Variants in SLC24A3 observed in about 807,000 individuals in gnomAD.
The protein encoded by SLC24A3 is solute carrier family 24 member 3.
In SLC24A3, 28 loss-of-function variants were observed where a neutral mutation model predicts 75.8. That is an observed-to-expected ratio of 0.37 (90% CI 0.27 to 0.51). SLC24A3 has a LOEUF of 0.51. SLC24A3 is among the 20% of genes least tolerant of loss of function. The pLI, the probability that SLC24A3 is intolerant of heterozygous loss-of-function variation, is 0.94. For missense variants in SLC24A3, 663 were observed against 847.8 expected, an observed-to-expected ratio of 0.78 and a Z score of 2.71; for synonymous variants, 372 against 334.1, an observed-to-expected ratio of 1.11 and a Z score of -1.24.
At chr20:19,255,417 G>A (rs1484243446) in intron 1 of SLC24A3, among the ~76,000 whole-genome samples, 1 of 152,228 alleles carries the variant, frequency 6.6e-6, no homozygotes, top group Non-Finnish European at 1.5e-5. Context: ...ATTAAGATTT[G>A]GAGTGTCGTT....
rs776077387 is a variant in SLC24A3, at chr20:19,693,351, G to A, written c.1417G>A (p.Glu473Lys). ...ACCCAACTGCAACAAGCCGCGCTGG[G>A]AGAAATGGTTCATGGTGACGTTTGC... ...TVPNCNKPRW[E>K]KWFMVTFASS... The change falls in exon 13 of 17, where the codon GAG becomes AAG. Residue 473 changes from glutamate (E) to lysine (K), a missense_variant. This residue lies in a region of SLC24A3 where 510 missense variants were observed against 703.6 expected (regional missense o/e 0.72). Transcript: ENST00000328041. The A allele has an allele frequency of 1.2e-6, 2 of 1,614,174 alleles. No homozygotes were observed. The highest frequency in any genetic ancestry group is 1.3e-5 in the African/African-American group (1 of 75,046).
chr20:19,426,022 C>G (rs1044568042), intron 2 of SLC24A3, among the ~76,000 whole-genome samples: 4 of 152,128 alleles, frequency 2.6e-5, no homozygotes, highest in Admixed American at 2.6e-4. Context: ...ACTAGAAACC[C>G]AGGTCCATGT....
chr20:19,219,614 T>C (rs573319066), intron 1 of SLC24A3, among the ~76,000 whole-genome samples: 22 of 151,968 alleles, frequency 1.4e-4, no homozygotes, highest in Admixed American at 6.5e-4. Context: ...GGGAATAAGA[T>C]TGAGGAAGAA....
At chr20:19,411,583 T>G (rs1171554789) in intron 2 of SLC24A3, among the ~76,000 whole-genome samples, 1 of 152,222 alleles carries the variant, frequency 6.6e-6, no homozygotes, top group Non-Finnish European at 1.5e-5. Context: ...TGGAACAATC[T>G]TGCTGTGATG....
intron 4 of SLC24A3, among the ~76,000 whole-genome samples, chr20:19,581,995 G>A (rs977597049): frequency 8.5e-5 from 13 of 152,162 alleles, no homozygotes; most frequent in Non-Finnish European, 1.5e-4. Context: ...TGGGTGCCCC[G>A]TGCCTGTCTC....
intron 1 of SLC24A3, among the ~76,000 whole-genome samples, chr20:19,231,415 A>C (rs1982019266): frequency 6.6e-6 from 1 of 152,248 alleles, no homozygotes; most frequent in Non-Finnish European, 1.5e-5. Flanking sequence ...CTGGATTATC[A>C]GGGTGGGCTC....
chr20:19,650,175 A>C (rs1418636647), intron 6 of SLC24A3, among the ~76,000 whole-genome samples: 1 of 149,030 alleles, frequency 6.7e-6, no homozygotes, highest in Non-Finnish European at 1.5e-5. Context: ...ACCTCTATGC[A>C]AAAAAAAAAT....
chr20:19,344,209 G>A (rs895899454), intron 2 of SLC24A3, among the ~76,000 whole-genome samples: 1 of 152,162 alleles, frequency 6.6e-6, no homozygotes, highest in Non-Finnish European at 1.5e-5. Flanking sequence ...TTTAAAATGT[G>A]TTTGTCTTCT....
intron 2 of SLC24A3, among the ~76,000 whole-genome samples, chr20:19,431,783 A>C (rs1714723888): frequency 1.3e-5 from 2 of 151,980 alleles, no homozygotes; most frequent in African/African-American, 2.4e-5. Context: ...TCTCTGTCTG[A>C]ATTTGAGGAG....
intron 3 of SLC24A3, among the ~76,000 whole-genome samples, chr20:19,548,295 C>T (rs7268479): frequency 0.026 from 3,993 of 152,268 alleles, 188 homozygotes; most frequent in African/African-American, 0.089. Context: ...GTAAGTTTTT[C>T]GTTTTCCCAT....
intron 6 of SLC24A3, among the ~76,000 whole-genome samples, chr20:19,619,924 A>G (rs2031782419): frequency 6.6e-6 from 1 of 152,162 alleles, no homozygotes; most frequent in African/African-American, 2.4e-5. Context: ...TTTATCAAGA[A>G]ACAGGTTTGG....
intron 14 of SLC24A3, among the ~76,000 whole-genome samples, chr20:19,697,233 G>A (rs944540071): frequency 6.6e-6 from 1 of 152,160 alleles, no homozygotes; most frequent in African/African-American, 2.4e-5. Context: ...CTTGAGGAAA[G>A]CAAAGACATT....
At chr20:19,584,914 C>T in intron 4 of SLC24A3, 57 bp from the exon 5 acceptor site, 1 of 1,527,670 alleles carries the variant, frequency 6.5e-7, no homozygotes, top group Admixed American at 1.7e-5. Context: ...GTCACAGTCA[C>T]CTCTCTTCCG....
At chr20:19,558,116 C>A (rs976528363) in intron 3 of SLC24A3, among the ~76,000 whole-genome samples, 1 of 152,004 alleles carries the variant, frequency 6.6e-6, no homozygotes, top group East Asian at 1.9e-4. Flanking sequence ...CATTTCAGGG[C>A]CCTTGAAGAA....
At chr20:19,628,202 C>CAAAAAAAAA (rs776701707) in intron 6 of SLC24A3, among the ~76,000 whole-genome samples, 2 of 51,818 alleles carry the variant, frequency 3.9e-5, no homozygotes, top group African/African-American at 5.5e-5. Flanking sequence ...GACTCCATCT[C>CAAAAAAAAA]AAAAAAAAAA....
At chr20:19,584,574 A>G (rs968381851) in intron 4 of SLC24A3, among the ~76,000 whole-genome samples, 2 of 152,168 alleles carry the variant, frequency 1.3e-5, no homozygotes, top group African/African-American at 2.4e-5. Flanking sequence ...TGCCCCCACC[A>G]TAGCCTCAGA....
At chr20:19,288,523 A>C (rs931975747) in intron 2 of SLC24A3, among the ~76,000 whole-genome samples, 19 of 152,348 alleles carry the variant, frequency 1.2e-4, no homozygotes, top group African/African-American at 4.6e-4. Flanking sequence ...TTAGATGCAG[A>C]GATTTTGTGG....
At chr20:19,252,236 C>T (rs565105203) in intron 1 of SLC24A3, among the ~76,000 whole-genome samples, 6 of 152,206 alleles carry the variant, frequency 3.9e-5, no homozygotes, top group Non-Finnish European at 5.9e-5. Flanking sequence ...CCCAGACAAC[C>T]GTGAATTGAA....
intron 6 of SLC24A3, among the ~76,000 whole-genome samples, chr20:19,591,152 T>C (rs972477586): frequency 6.6e-6 from 1 of 152,208 alleles, no homozygotes; most frequent in Admixed American, 6.5e-5. Context: ...GGCTCTGTGC[T>C]GCTCTGTTTT....
Sources: allele counts gnomAD v4.1 joint callset (sites outside exome capture counted in the v4.1 genomes callset), GRCh38; gene constraint gnomAD v4.1.1; regional missense constraint gnomAD v4.1.1; transcripts MANE v1.5; gene names NCBI Gene and HGNC (gene_info 2026-07-23, HGNC 2026-07-21).